TTC27: variants seen among roughly 807,000 people sequenced by gnomAD.
TTC27 encodes tetratricopeptide repeat protein 27.
In TTC27, 79 loss-of-function variants were observed where a neutral mutation model predicts 115.9. The ratio of observed to expected loss-of-function variants is 0.68; its 90% CI spans 0.57 to 0.82. The LOEUF (loss-of-function observed/expected upper bound fraction) is 0.82, where lower values mean the gene tolerates loss of function less well. TTC27 is among the 40% of genes least tolerant of loss of function. The probability of loss-of-function intolerance (pLI) is 0.00; values close to 1 mark genes in which losing one functional copy is unlikely to be tolerated. For synonymous variants in TTC27, 401 were observed against 356.0 expected (o/e 1.13, Z -1.42); for missense variants, 1,054 against 993.1 (o/e 1.06, Z -0.82).
chr2:32,798,717 AAT>A (rs1438943541), intron 16 of TTC27, among the ~76,000 whole-genome samples: 19 of 120,952 alleles, frequency 1.6e-4, no homozygotes, highest in Non-Finnish European at 2.1e-4. Flanking sequence ...AAAAAAAAAT[AAT>A]AATAATAATA....
intron 10 of TTC27, among the ~76,000 whole-genome samples, chr2:32,728,889 C>G (rs1418198723): frequency 6.6e-6 from 1 of 152,142 alleles, no homozygotes; most frequent in Non-Finnish European, 1.5e-5. Flanking sequence ...CTTGACTAGT[C>G]TATTTGTAAA....
intron 12 of TTC27, among the ~76,000 whole-genome samples, chr2:32,744,104 A>C (rs887332090): frequency 1.3e-5 from 2 of 152,254 alleles, no homozygotes; most frequent in Non-Finnish European, 2.9e-5. Context: ...ACACATGAGC[A>C]AATATTTTAG....
intron 15 of TTC27, among the ~76,000 whole-genome samples, chr2:32,784,813 C>A (rs939874939): frequency 3.9e-5 from 6 of 152,128 alleles, no homozygotes; most frequent in Non-Finnish European, 7.4e-5. Flanking sequence ...CCCCCAACCC[C>A]TGTGGATGGG....
At chr2:32,636,291 G>A (rs1664423933) in intron 3 of TTC27, among the ~76,000 whole-genome samples, 1 of 152,126 alleles carries the variant, frequency 6.6e-6, no homozygotes, top group Admixed American at 6.6e-5. Flanking sequence ...TCGGCTCACT[G>A]CAGTCTCTGC....
intron 5 of TTC27, among the ~76,000 whole-genome samples, chr2:32,658,783 A>C (rs959939153): frequency 1.3e-5 from 2 of 152,148 alleles, no homozygotes; most frequent in Admixed American, 1.3e-4. Flanking sequence ...GCCTGTCTTT[A>C]TATGTAGTTA....
At chr2:32,704,049 G>A (rs4952267) in intron 10 of TTC27, among the ~76,000 whole-genome samples, 25,473 of 152,194 alleles carry the variant, frequency 0.17, 2,509 homozygotes, top group South Asian at 0.32. Flanking sequence ...CCAAAGTCCT[G>A]CTTATGAGGG....
At chr2:32,745,637 G>C (rs1179084290) in intron 12 of TTC27, among the ~76,000 whole-genome samples, 1 of 151,570 alleles carries the variant, frequency 6.6e-6, no homozygotes, top group Non-Finnish European at 1.5e-5. Context: ...ATAGGCCAGA[G>C]AGACAGTTTT....
At chr2:32,757,125 A>G (rs948417276) in intron 12 of TTC27, among the ~76,000 whole-genome samples, 1 of 152,218 alleles carries the variant, frequency 6.6e-6, no homozygotes, top group African/African-American at 2.4e-5. Context: ...GGTTTTAAGC[A>G]GTGCCTATTA....
intron 14 of TTC27, among the ~76,000 whole-genome samples, chr2:32,782,049 A>G (rs1670196129): frequency 1.3e-5 from 2 of 152,358 alleles, no homozygotes; most frequent in South Asian, 2.1e-4. Flanking sequence ...AGAGAAATAG[A>G]TAATTTATAT....
At chr2:32,672,595 C>G (rs184366567) in intron 8 of TTC27, among the ~76,000 whole-genome samples, 1 of 152,192 alleles carries the variant, frequency 6.6e-6, no homozygotes, top group African/African-American at 2.4e-5. Context: ...CTTCTGTTTC[C>G]TTTATAAGCA....
At chr2:32,779,169 G>C (rs960852808) in intron 14 of TTC27, among the ~76,000 whole-genome samples, 1 of 152,104 alleles carries the variant, frequency 6.6e-6, no homozygotes, top group African/African-American at 2.4e-5. Context: ...GTCGCAGTGA[G>C]CAGAGATTGC....
At chr2:32,740,956 C>T (rs1668614436) in intron 12 of TTC27, among the ~76,000 whole-genome samples, 1 of 152,134 alleles carries the variant, frequency 6.6e-6, no homozygotes, top group African/African-American at 2.4e-5. Flanking sequence ...CACCCAGCCT[C>T]ACTTTATGAT....
At chr2:32,797,125 G>C (rs1297166975) in intron 16 of TTC27, among the ~76,000 whole-genome samples, 3 of 139,644 alleles carry the variant, frequency 2.1e-5, no homozygotes, top group Non-Finnish European at 3.0e-5. Flanking sequence ...AGTGAGCCGA[G>C]ATTGTGCCAC....
At chr2:32,698,162 C>T (rs1484424651) in intron 9 of TTC27, among the ~76,000 whole-genome samples, 1 of 152,096 alleles carries the variant, frequency 6.6e-6, no homozygotes, top group African/African-American at 2.4e-5. Flanking sequence ...TACAGGGTCT[C>T]ACTCTGTTCA....
chr2:32,630,796 C>T lies in TTC27; in HGVS notation c.266+96C>T, dbSNP rs996528182. On this transcript the variant is annotated intron_variant, in intron 2 of 19. Coordinates refer to ENST00000317907, the MANE Select transcript of TTC27 (RefSeq NM_017735.5). ...GCCCTGATTTTAGCAGTTGAGAAAC[C>T]TTGCCTTATATTTTACTCAAGACTC... 3.4e-6 allele frequency: 4 copies of T among 1,173,698 alleles called. No individual in the cohort carries two copies. In the South Asian group the frequency reaches 7.4e-5, roughly 22 times the overall value. 72.7% of individuals were successfully genotyped at this position (1,173,698 alleles called of 1,614,324 possible).
chr2:32,643,251 T>A (rs1472886069), intron 4 of TTC27, among the ~76,000 whole-genome samples: 2 of 152,184 alleles, frequency 1.3e-5, no homozygotes, highest in Admixed American at 1.3e-4. Context: ...AGTAAGTTGA[T>A]CTGAGTTAAA....
At chr2:32,808,787 GC>G (rs1161111741) in intron 16 of TTC27, among the ~76,000 whole-genome samples, 1 of 152,192 alleles carries the variant, frequency 6.6e-6, no homozygotes, top group African/African-American at 2.4e-5. Context: ...TCCAGAAGAA[GC>G]AAAGCATCAC....
intron 7 of TTC27, among the ~76,000 whole-genome samples, chr2:32,671,419 C>T (rs977827232): frequency 2.6e-5 from 4 of 152,126 alleles, no homozygotes; most frequent in African/African-American, 9.7e-5. Context: ...AGCTTCCTCC[C>T]ACCTTGGCCT....
chr2:32,800,408 C>T (rs1032277441), intron 16 of TTC27, among the ~76,000 whole-genome samples: 15 of 152,272 alleles, frequency 9.9e-5, no homozygotes, highest in African/African-American at 3.1e-4. Flanking sequence ...GTCTCAAACT[C>T]CTGACCCCAT....
Sources: gnomAD v4.1 joint callset for allele counts (sites outside exome capture counted in the v4.1 genomes callset) on GRCh38, gnomAD v4.1.1 for gene constraint, MANE v1.5 for transcripts, NCBI Gene and HGNC (gene_info 2026-07-23, HGNC 2026-07-21) for gene names.